SRCAP: variants seen among roughly 807,000 people sequenced by gnomAD.
SRCAP encodes the protein chromatin remodeling protein SRCAP.
In SRCAP, 46 loss-of-function variants were observed where a neutral mutation model predicts 263.1. The ratio of observed to expected loss-of-function variants is 0.17; its 90% CI spans 0.14 to 0.22. SRCAP has a LOEUF of 0.22. Among genes scored for constraint, SRCAP ranks in the 10% least tolerant of loss-of-function variants. The pLI is 1.00. For missense variants in SRCAP, 3,695 were observed against 4,181.9 expected, an observed-to-expected ratio of 0.88 and a Z score of 3.21; for synonymous variants, 1,813 against 1,662.1, an observed-to-expected ratio of 1.09 and a Z score of -2.21.
Position 30,724,582 on chromosome 16 carries a change from C to T in SRCAP, c.5158C>T (p.Pro1720Ser). Residue 1720 changes from proline to serine, a missense_variant, in exon 25 of 34, where the codon CCA (proline) becomes TCA (serine). Pro to Ser is a moderately conservative substitution (Grantham distance 74). Around this residue, in one of 12 missense-constraint regions of SRCAP, gnomAD observed 1,347 missense variants for 1,304.4 expected, o/e 1.03. Coordinates refer to ENST00000262518, the MANE Select transcript of SRCAP (RefSeq NM_006662.3). Reference sequence around the variant, plus strand: ...TCCAACTCAGACATTGTCATTAACTCCAGCATCATCCCTGGTACCAACTCC... The same window carrying T: ...TCCAACTCAGACATTGTCATTAACTTCAGCATCATCCCTGGTACCAACTCC... ...PFPTQTLSLT[P>S]ASSLVPTPAQ... is the part of the protein sequence containing the mutation. 1.2e-6 allele frequency: 2 copies of T among 1,614,198 alleles called. No homozygotes were observed. The highest frequency in any genetic ancestry group is 1.7e-6 in the Non-Finnish European group (2 of 1,180,048).
chr16:30,707,497 C>T, intron 5 of SRCAP, 75 bp from the exon 6 acceptor site: 3 of 1,605,676 alleles, frequency 1.9e-6, no homozygotes, highest in Non-Finnish European at 8.5e-7. Flanking sequence ...ATTTCTTGGC[C>T]TTGATTATTT....
At chr16:30,719,222 A>T (rs56173480) in intron 18 of SRCAP, among the ~76,000 whole-genome samples, 24 of 144,144 alleles carry the variant, frequency 1.7e-4, no homozygotes, top group Middle Eastern at 3.5e-3. Context: ...ATTTATTTTT[A>T]TTTTTTTTTT....
chr16:30,717,918 T>TC (rs1269727488), intron 18 of SRCAP, among the ~76,000 whole-genome samples: 2 of 151,610 alleles, frequency 1.3e-5, no homozygotes, highest in Admixed American at 6.6e-5. Flanking sequence ...TGCTGATTTT[T>TC]TTTTTTTTTT....
intron 25 of SRCAP, chr16:30,726,295 GGTT>G (rs1479571085): frequency 1.3e-5 from 2 of 152,114 alleles, no homozygotes; most frequent in African/African-American, 2.4e-5. Flanking sequence ...TCTGCTTTAT[GGTT>G]GTTATGAACA....
rs1264850280 is a variant in SRCAP, at chr16:30,737,955, G to A, written c.7915G>A (p.Gly2639Ser). Residue 2639 changes from glycine (G) to serine (S), a missense_variant, in exon 34 of 34, where the codon GGT (glycine) becomes AGT (serine). By Grantham distance (56) the Gly-to-Ser change is moderately conservative. Transcript: ENST00000262518. ...EGTTLTVLPE[G>S]EELPLCVSES... ...GACCACCCTTACAGTGCTGCCTGAA[G>A]GTGAGGAGTTGCCCCTGTGTGTGAG... The A allele has an allele frequency of 3.1e-6, 5 of 1,614,168 alleles. No individual in the cohort carries two copies. In the East Asian group the frequency reaches 8.9e-5, roughly 29 times the overall value.
rs773865692 is a variant in SRCAP at position 30,721,220 on chromosome 16, G to C, written c.3285G>C (p.Gly1095=). The C allele has an allele frequency of 4.3e-6, 7 of 1,612,852 alleles. No individual in the cohort carries two copies. The African/African-American group carries it at 9.3e-5, about 22-fold the overall frequency. ...VLPSPLGVLS[G]TSRPPTPTLS... ...CATCCCCCCTGGGGGTCCTGAGTGG[G>C]ACCTCACGGCCTCCCACGCCAACCT... Residue 1095 remains glycine, a synonymous_variant, in exon 21 of 34, where the codon GGG becomes GGC. Coordinates refer to ENST00000262518, the MANE Select transcript of SRCAP (RefSeq NM_006662.3).
chr16:30,725,342 G>A (rs760287392), intron 25 of SRCAP: 389 of 528,762 alleles, frequency 7.4e-4, no homozygotes, highest in Non-Finnish European at 9.0e-4. Flanking sequence ...TTTTTAACCC[G>A]CACGGTAATA....
chr16:30,706,734 A>G (rs575117719), intron 4 of SRCAP, among the ~76,000 whole-genome samples: 1 of 152,324 alleles, frequency 6.6e-6, no homozygotes, highest in East Asian at 1.9e-4. Flanking sequence ...TACTCTGAGT[A>G]AGTAGAATTC....
rs761831467 is a variant in SRCAP, at chr16:30,729,272, C to T, written c.5924+41C>T. The T allele has an allele frequency of 5.6e-6, 9 of 1,596,016 alleles. No homozygotes were observed. The South Asian group carries it at 7.8e-5, about 14-fold the overall frequency. On this transcript the variant is annotated intron_variant, in intron 26 of 33. Transcript: ENST00000262518. ...TGCTAATGGGGAGTGGGTCTTGGGG[C>T]CTCAGAGTGGATGTAGTGCTTAGGG... is the stretch of plus-strand genomic sequence containing the variant.
In SRCAP at chr16:30,737,111, C is replaced by A; in HGVS notation, c.7071C>A (p.Pro2357=). 2 of 1,613,310 alleles carry A rather than the reference C, an allele frequency of 1.2e-6. No individual in the cohort carries two copies. Among genetic ancestry groups the A allele is most frequent in the Non-Finnish European group, 1.7e-6 (2 of 1,179,538 alleles). The part of the protein sequence containing the change: ...DQAKEEVFRL[P]QEEEEGPGAG... ...CCAAGGAGGAGGTGTTCCGCCTACC[C>A]CAAGAGGAGGAGGAGGGGCCGGGGG... The change falls in exon 34 of 34, where the codon CCC becomes CCA. Residue 2357 remains proline (P), a synonymous_variant. Transcript: ENST00000262518.
chr16:30,734,376 A>G (rs991408359), intron 30 of SRCAP, 120 bp from the exon 31 acceptor site: 5 of 1,448,582 alleles, frequency 3.5e-6, no homozygotes, highest in Non-Finnish European at 4.7e-6. Context: ...TTTGGCCTTC[A>G]CAGACGTGCG....
intron 11 of SRCAP, 26 bp from the exon 12 acceptor site, chr16:30,711,809 C>T (rs559559119): frequency 1.9e-6 from 3 of 1,611,696 alleles, no homozygotes; most frequent in East Asian, 2.2e-5. Context: ...GTATGATGAG[C>T]AGTAAGCCTT....
At chr16:30,735,687 TCTCCTGCCTCAGC>T (rs2053154662) in intron 31 of SRCAP, among the ~76,000 whole-genome samples, 1 of 147,574 alleles carries the variant, frequency 6.8e-6, no homozygotes, top group Non-Finnish European at 1.5e-5. Context: ...TTCAAGTGAT[TCTCCTGCCTCAGC>T]CTCCTGTGTA....
rs2053135794 is a variant in SRCAP, at chr16:30,733,908, G to A, written c.6509G>A (p.Arg2170Gln). Residue 2170 changes from arginine (R) to glutamine (Q), a missense_variant, in exon 30 of 34, where the codon CGG becomes CAG. By Grantham distance (43) the Arg-to-Gln change is conservative. Around this residue, in one of 12 missense-constraint regions of SRCAP, gnomAD observed 138 missense variants for 254.9 expected, o/e 0.54. Transcript: ENST00000262518. The surrounding 1 kb of genome is among the most constrained non-coding windows in gnomAD (Gnocchi z 5.3). Reference protein sequence around the residue: ...DVHIYRLISERTVEENILKKA... With the variant: ...DVHIYRLISEQTVEENILKKA... The stretch of plus-strand genomic sequence containing the variant: ...TCACCCCCTAGGCTTATCAGTGAAC[G>A]GACAGTGGAGGAGAACATCCTAAAA... 10 of 1,614,068 alleles carry A rather than the reference G, an allele frequency of 6.2e-6. No homozygotes were observed. Among genetic ancestry groups the A allele is most frequent in the African/African-American group, 1.3e-5 (1 of 75,002 alleles).
chr16:30,725,049 G>T lies in SRCAP; in HGVS notation c.5625G>T (p.Gln1875His). Residue 1875 changes from glutamine to histidine, a missense_variant, in exon 25 of 34, where the codon CAG becomes CAT. Gln to His is a conservative substitution (Grantham distance 24, BLOSUM62 0). Transcript: ENST00000262518. The part of the protein sequence containing the change: ...TSFGGPRPRR[Q>H]PPPPPRSPFY... ...TTGGTGGCCCCCGGCCTCGACGCCAGCCCCCCCCACCACCTCGTTCCCCTT... is the reference window on the plus strand; with the variant it reads ...TTGGTGGCCCCCGGCCTCGACGCCATCCCCCCCCACCACCTCGTTCCCCTT... 6.2e-7 allele frequency: 1 copy of T among 1,603,664 alleles called. No individual in the cohort carries two copies.
chr16:30,723,977 C>A lies in SRCAP; in HGVS notation c.4553C>A (p.Ser1518Tyr). Residue 1518 changes from serine to tyrosine, a missense_variant, in exon 25 of 34, where the codon TCT becomes TAT. Ser to Tyr is a moderately radical substitution (Grantham distance 144, BLOSUM62 -2). Transcript: ENST00000262518. ...GLATAPSLSS[S>Y]QTPGHPLLLA... ...GCCACAGCTCCATCCCTGTCTTCAT[C>A]TCAGACACCTGGTCACCCTCTGTTG... 1 of 1,614,188 alleles carries A rather than the reference C, an allele frequency of 6.2e-7. No homozygotes were observed.
At chr16:30,734,113 C>A in intron 30 of SRCAP, 105 bp downstream of exon 30, 1 of 1,009,266 alleles carries the variant, frequency 9.9e-7, no homozygotes, top group Non-Finnish European at 1.5e-6. Context: ...GAGGCTGAGG[C>A]AGGCGGATCA....
intron 11 of SRCAP, 35 bp downstream of exon 11, chr16:30,711,779 G>A (rs1345920327): frequency 1.2e-6 from 2 of 1,609,894 alleles, no homozygotes; most frequent in Non-Finnish European, 1.7e-6. Flanking sequence ...AGCTGGGGAG[G>A]GTGGCCATTG....
At chr16:30,709,350 T>C (rs2052863351) in intron 6 of SRCAP, among the ~76,000 whole-genome samples, 163 bp from the exon 7 acceptor site, 1 of 152,158 alleles carries the variant, frequency 6.6e-6, no homozygotes, top group South Asian at 2.1e-4. Flanking sequence ...CATGCTCCCT[T>C]TGTGCTTCCT....
Sources: gnomAD v4.1 joint callset for allele counts (sites outside exome capture counted in the v4.1 genomes callset) on GRCh38, gnomAD v4.1.1 for gene constraint, gnomAD v4.1.1 regional missense constraint, Gnocchi (gnomAD v3.1) non-coding constraint, MANE v1.5 for transcripts, NCBI Gene and HGNC (gene_info 2026-07-23, HGNC 2026-07-21) for gene names.